C20orf96: variants seen among roughly 807,000 people sequenced by gnomAD.
The protein encoded by C20orf96 is chromosome 20 open reading frame 96, also known as uncharacterized protein C20orf96.
C20orf96 carries 57 observed loss-of-function variants against 52.6 expected under a neutral mutation model. That is an observed-to-expected ratio of 1.08 (90% CI 0.88 to 1.35). The LOEUF is 1.35. Among genes scored for constraint, C20orf96 ranks in the 40% most tolerant of loss-of-function variants. The pLI is 0.00. For synonymous variants in C20orf96, 168 were observed against 157.2 expected, an observed-to-expected ratio of 1.07 and a Z score of -0.51; for missense variants, 478 against 443.6, an observed-to-expected ratio of 1.08 and a Z score of -0.70.
chr20:279,388 C>G (rs925277193), intron 4 of C20orf96, 58 bp from the exon 5 acceptor site: 8 of 1,547,174 alleles, frequency 5.2e-6, no homozygotes, highest in Middle Eastern at 3.8e-4. Flanking sequence ...CCTGAGCCCC[C>G]GAAAGCCCGT....
rs1447487706 is a variant in C20orf96 at position 277,151 on chromosome 20, A to T, written c.724-6T>A. 1 of 1,613,698 alleles carries T rather than the reference A, an allele frequency of 6.2e-7. No individual in the cohort carries two copies. Among genetic ancestry groups the T allele is most frequent in the Non-Finnish European group, 8.5e-7 (1 of 1,179,754 alleles). ...CCGAGGTCATCCAGCTCATCCTGGG[A>T]GCCAGCAGAAGGGTGTTGGTCACCA... On this transcript the variant is annotated splice_polypyrimidine_tract_variant and splice_region_variant and intron_variant, in intron 7 of 10. Transcript: ENST00000360321.
At chr20:288,712 G>A (rs1476904586) in intron 3 of C20orf96, among the ~76,000 whole-genome samples, 1 of 152,192 alleles carries the variant, frequency 6.6e-6, no homozygotes, top group Admixed American at 6.5e-5. Flanking sequence ...GTTGCCCACA[G>A]GGGAGCTGAT....
chr20:271,317 G>A (rs2122219317), intron 10 of C20orf96, 50 bp from the exon 11 acceptor site: 2 of 1,452,814 alleles, frequency 1.4e-6, no homozygotes, highest in Non-Finnish European at 1.9e-6. Context: ...GTGGCGGTGT[G>A]GGAGCACCCA....
chr20:272,155 A>G (rs377515617), intron 10 of C20orf96, among the ~76,000 whole-genome samples: 31 of 152,076 alleles, frequency 2.0e-4, no homozygotes, highest in East Asian at 7.7e-4. Flanking sequence ...GCTATTCATT[A>G]TATCATTCTC....
chr20:284,881 T>G, intron 3 of C20orf96, among the ~76,000 whole-genome samples: 1 of 152,102 alleles, frequency 6.6e-6, no homozygotes, highest in Non-Finnish European at 1.5e-5. Context: ...TAAAAATAAA[T>G]TTTTAAAAAT....
chr20:274,209 T>C (rs546813972), intron 10 of C20orf96, among the ~76,000 whole-genome samples: 2 of 151,848 alleles, frequency 1.3e-5, no homozygotes, highest in African/African-American at 2.4e-5. Context: ...GGAGGGAAAA[T>C]GTGCTTCCTT....
rs567450990 is a variant in C20orf96 at position 273,239 on chromosome 20, C to T, written c.1032-1972G>A. On this transcript the variant is annotated intron_variant, in intron 10 of 10. Transcript: ENST00000360321. ...ATCCTCCCACCTTGGCCTCCCAAAACGCTGAGATTACAGGCATGAGCCACC... is the reference window on the plus strand; with the variant it reads ...ATCCTCCCACCTTGGCCTCCCAAAATGCTGAGATTACAGGCATGAGCCACC... 2.7e-3 allele frequency among the ~76,000 whole-genome samples: 413 copies of T among 152,232 alleles called. 2 individuals are homozygous for T. The highest frequency in any genetic ancestry group is 6.5e-4 in the Non-Finnish European group (44 of 68,018).
rs371876916 is a variant in C20orf96 at position 276,093 on chromosome 20, G to A, written c.913-7C>T. Reference sequence around the variant, plus strand: ...CCTCAAACTGGTCAATAATCTGAGAGGAAAGGCACAGCAGGGGAGAAGGGA... The same window carrying A: ...CCTCAAACTGGTCAATAATCTGAGAAGAAAGGCACAGCAGGGGAGAAGGGA... On this transcript the variant is annotated splice_polypyrimidine_tract_variant and splice_region_variant and intron_variant, in intron 9 of 10. Coordinates refer to ENST00000360321, the MANE Select transcript of C20orf96 (RefSeq NM_153269.3). 2.5e-6 allele frequency: 4 copies of A among 1,613,526 alleles called. No homozygotes were observed. The highest frequency in any genetic ancestry group is 1.3e-5 in the African/African-American group (1 of 74,628).
intron 10 of C20orf96, among the ~76,000 whole-genome samples, chr20:273,726 A>G (rs1036032461): frequency 6.6e-6 from 1 of 151,856 alleles, no homozygotes; most frequent in Non-Finnish European, 1.5e-5. Flanking sequence ...AAAACATAAA[A>G]ATTAGCCAGG....
At chr20:281,484 C>A (rs1362151494) in intron 4 of C20orf96, among the ~76,000 whole-genome samples, 1 of 152,196 alleles carries the variant, frequency 6.6e-6, no homozygotes, top group Non-Finnish European at 1.5e-5. Context: ...TGTTCCTGTA[C>A]TTCCTCATTT....
chr20:277,094 A>T lies in C20orf96; in HGVS notation c.775T>A (p.Ser259Thr), dbSNP rs143525888. Residue 259 changes from serine to threonine, a missense_variant, in exon 8 of 11, where the codon TCT becomes ACT. Coordinates refer to ENST00000360321, the MANE Select transcript of C20orf96 (RefSeq NM_153269.3). ...EMRRKVLESL[S>T]DKIQKKKKKI... ...TTCTTCTTCTTCTGAATCTTGTCAG[A>T]CAAGGATTCCAGGACCTTTCTGCGC... The T allele has an allele frequency of 1.2e-6, 2 of 1,613,942 alleles. No individual in the cohort carries two copies. The highest frequency in any genetic ancestry group is 2.7e-5 in the African/African-American group (2 of 75,028).
intron 10 of C20orf96, among the ~76,000 whole-genome samples, chr20:274,936 A>G (rs1173444719): frequency 2.0e-5 from 3 of 152,022 alleles, no homozygotes; most frequent in Non-Finnish European, 4.4e-5. Flanking sequence ...TCTCTGCCTC[A>G]GCCTCCCGAG....
chr20:289,558 C>A lies in C20orf96; in HGVS notation c.187+1G>T, dbSNP rs765635385. The A allele has an allele frequency of 1.2e-6, 2 of 1,612,116 alleles. No homozygotes were observed. Among genetic ancestry groups the A allele is most frequent in the South Asian group, 2.2e-5 (2 of 91,040 alleles). On this transcript the variant is annotated splice_donor_variant, in intron 3 of 10. Transcript: ENST00000360321. LOFTEE classifies it high-confidence loss of function. ...ACCAGCTCCCAGGTGCCTCCGCCCA[C>A]CTGGTTGGACCCTAGTCAAAGTCTT...
At chr20:290,563 A>AATTT (rs1555771833) in intron 1 of C20orf96, 28 bp downstream of exon 1, 91 of 1,309,538 alleles carry the variant, frequency 6.9e-5, no homozygotes, top group African/African-American at 6.4e-4. Flanking sequence ...CTTTCTTCCA[A>AATTT]TTTTTTTTTT....
chr20:275,368 AGAG>A (rs2011984578), intron 10 of C20orf96, among the ~76,000 whole-genome samples: 1 of 151,384 alleles, frequency 6.6e-6, no homozygotes, highest in Non-Finnish European at 1.5e-5. Context: ...TGGCGATAGG[AGAG>A]GAGAAGGAAG....
At chr20:278,473 T>C in intron 5 of C20orf96, 44 bp from the exon 6 acceptor site, 2 of 1,516,208 alleles carry the variant, frequency 1.3e-6, no homozygotes, top group Non-Finnish European at 1.8e-6. Context: ...CTCTGCTGGC[T>C]CTCAGAGGCG....
Position 290,244 on chromosome 20 carries a change from TC to T in C20orf96, c.69+14del. 1 of 1,606,268 alleles carries T rather than the reference TC, an allele frequency of 6.2e-7. No individual in the cohort carries two copies. The highest frequency in any genetic ancestry group is 1.1e-5 in the South Asian group (1 of 90,106). The stretch of plus-strand genomic sequence containing the variant: ...AGCGAGCCTCCCACCCCAGCCCTAG[TC>T]CCCCAAGACTCACCGGAACCTGGAA... On this transcript the variant is annotated intron_variant, in intron 2 of 10. Transcript: ENST00000360321.
At chr20:274,968 G>A (rs191556869) in intron 10 of C20orf96, among the ~76,000 whole-genome samples, 11 of 152,140 alleles carry the variant, frequency 7.2e-5, no homozygotes, top group Non-Finnish European at 1.3e-4. Context: ...ACAGGCACCC[G>A]CCACCATGCC....
chr20:272,957 T>G (rs1045772347), intron 10 of C20orf96, among the ~76,000 whole-genome samples: 2 of 152,190 alleles, frequency 1.3e-5, no homozygotes, highest in African/African-American at 4.8e-5. Context: ...TCTGGCTCCT[T>G]GCCAATCTCA....
Sources: gnomAD v4.1 joint callset for allele counts (sites outside exome capture counted in the v4.1 genomes callset) on GRCh38, gnomAD v4.1.1 for gene constraint, MANE v1.5 for transcripts, NCBI Gene and HGNC (gene_info 2026-07-23, HGNC 2026-07-21) for gene names.